SYNDIG1: variants seen among roughly 807,000 people sequenced by gnomAD.
The protein encoded by SYNDIG1 is synapse differentiation-inducing gene protein 1.
SYNDIG1 carries 9 observed loss-of-function variants against 19.4 expected under a neutral mutation model. The ratio of observed to expected loss-of-function variants is 0.46; its 90% CI spans 0.28 to 0.81. SYNDIG1 has a LOEUF of 0.81. Ranked by LOEUF, SYNDIG1 falls within the 30% of genes least tolerant of loss-of-function variation. SYNDIG1 has a pLI of 0.12. For synonymous variants in SYNDIG1, 141 were observed against 145.9 expected (o/e 0.97, Z 0.24); for missense variants, 311 against 343.3 (o/e 0.91, Z 0.74).
At chr20:24,557,954 G>A (rs1379379086) in intron 2 of SYNDIG1, among the ~76,000 whole-genome samples, 1 of 152,222 alleles carries the variant, frequency 6.6e-6, no homozygotes, top group South Asian at 2.1e-4. Flanking sequence ...GCTTTAATCA[G>A]GTGCTGCAGC....
At chr20:24,517,702 A>G (rs926485326) in intron 1 of SYNDIG1, among the ~76,000 whole-genome samples, 3 of 145,286 alleles carry the variant, frequency 2.1e-5, no homozygotes, top group African/African-American at 5.1e-5. Context: ...ATACACATAT[A>G]TATGTGTATA....
chr20:24,580,679 G>A (rs1392586173), intron 2 of SYNDIG1, among the ~76,000 whole-genome samples: 2 of 152,124 alleles, frequency 1.3e-5, no homozygotes, highest in African/African-American at 4.8e-5. Flanking sequence ...AAAGTGCTGA[G>A]GTAACAGGTG....
At chr20:24,526,570 G>T (rs12480500) in intron 1 of SYNDIG1, among the ~76,000 whole-genome samples, 61,426 of 151,772 alleles carry the variant, frequency 0.4, 12,695 homozygotes, top group Middle Eastern at 0.5. Flanking sequence ...TATATATATA[G>T]AGAGAGAGAT....
At chr20:24,505,777 A>C (rs2056576690) in intron 1 of SYNDIG1, among the ~76,000 whole-genome samples, 1 of 152,222 alleles carries the variant, frequency 6.6e-6, no homozygotes, top group African/African-American at 2.4e-5. Context: ...GAATATAGAA[A>C]GTGGGATGCT....
chr20:24,564,762 G>C lies in SYNDIG1; in HGVS notation c.481-20094G>C, dbSNP rs1419182524. On this transcript the variant is annotated intron_variant, in intron 2 of 3. Coordinates refer to ENST00000376862, the MANE Select transcript of SYNDIG1 (RefSeq NM_024893.3). ...GAGAAGGAGGCCCCCACTGTGCAAA[G>C]TGTGCTGAATGATTCTTGCCTGGGC... Among the ~76,000 whole-genome samples the C allele has an allele frequency of 3.0e-5, 4 of 131,766 alleles. No homozygotes were observed. The East Asian group carries it at 9.7e-4, about 32-fold the overall frequency. The allele number at this position is 131,766 out of a possible 152,430, so 86.4% of individuals were successfully genotyped here.
Position 24,658,116 on chromosome 20 carries a change from CG to C in SYNDIG1, c.619-7226del, listed in dbSNP as rs1283285544. ...CTGACTGCAGGAGAAACAATGCAGC[CG>C]GGGTAGACCTCAGAAAACGTCATGA... On this transcript the variant is annotated intron_variant, in intron 3 of 3. Transcript: ENST00000376862. This position sits in a 1 kb window ranked among gnomAD's most constrained non-coding sequence, Gnocchi z 4.4. Among the ~76,000 whole-genome samples, 1 of 150,710 alleles carries C rather than the reference CG, an allele frequency of 6.6e-6. No individual in the cohort carries two copies. The highest frequency in any genetic ancestry group is 2.4e-5 in the African/African-American group (1 of 41,068).
intron 1 of SYNDIG1, among the ~76,000 whole-genome samples, chr20:24,530,577 C>G (rs766313558): frequency 1.4e-4 from 21 of 152,164 alleles, no homozygotes; most frequent in Non-Finnish European, 2.9e-4. Flanking sequence ...TGGTGAATTA[C>G]ACGTATCATT....
chr20:24,661,933 C>T (rs531220541), intron 3 of SYNDIG1, among the ~76,000 whole-genome samples: 1 of 152,252 alleles, frequency 6.6e-6, no homozygotes, highest in South Asian at 2.1e-4. Context: ...TGGTGGGTTT[C>T]AGCATTAAAC....
chr20:24,651,942 G>A (rs533896109), intron 3 of SYNDIG1, among the ~76,000 whole-genome samples: 1 of 152,340 alleles, frequency 6.6e-6, no homozygotes, highest in South Asian at 2.1e-4. Flanking sequence ...CCCCAGGGCA[G>A]TCCAGACACC....
At chr20:24,512,374 G>T (rs920020420) in intron 1 of SYNDIG1, among the ~76,000 whole-genome samples, 1 of 151,648 alleles carries the variant, frequency 6.6e-6, no homozygotes, top group Non-Finnish European at 1.5e-5. Flanking sequence ...GGGGGTCAGG[G>T]AATTCCCTTT....
chr20:24,490,670 C>T (rs1249648342), intron 1 of SYNDIG1, among the ~76,000 whole-genome samples: 9 of 152,164 alleles, frequency 5.9e-5, no homozygotes, highest in Admixed American at 5.9e-4. Flanking sequence ...AGGATTGTCA[C>T]GAAGCAGGGG....
chr20:24,521,102 A>G (rs1488403295), intron 1 of SYNDIG1, among the ~76,000 whole-genome samples: 2 of 152,200 alleles, frequency 1.3e-5, no homozygotes, highest in Non-Finnish European at 2.9e-5. Context: ...TTCACTTAGC[A>G]TGTTGTCTTC....
intron 3 of SYNDIG1, among the ~76,000 whole-genome samples, chr20:24,663,262 A>G (rs542051886): frequency 6.6e-6 from 1 of 152,312 alleles, no homozygotes; most frequent in African/African-American, 2.4e-5. Flanking sequence ...CAGGCCCCTA[A>G]CACACCACAT....
intron 1 of SYNDIG1, among the ~76,000 whole-genome samples, chr20:24,521,653 T>C (rs1164041066): frequency 6.6e-6 from 1 of 152,152 alleles, no homozygotes; most frequent in Non-Finnish European, 1.5e-5. Flanking sequence ...ATCCTAGCAC[T>C]TTGGGAGACC....
chr20:24,590,205 G>A (rs1275982663), intron 3 of SYNDIG1, among the ~76,000 whole-genome samples: 2 of 152,094 alleles, frequency 1.3e-5, no homozygotes, highest in Non-Finnish European at 2.9e-5. Flanking sequence ...GAGCCCTTGG[G>A]GAGGAGCTTC....
At chr20:24,560,694 CTTTT>C (rs10658853) in intron 2 of SYNDIG1, among the ~76,000 whole-genome samples, 1 of 113,822 alleles carries the variant, frequency 8.8e-6, no homozygotes, top group Non-Finnish European at 1.8e-5. Flanking sequence ...CTGTTGACTA[CTTTT>C]TTTTTTTTTT....
intron 1 of SYNDIG1, among the ~76,000 whole-genome samples, chr20:24,482,390 T>C (rs77526596): frequency 1.3e-5 from 2 of 152,120 alleles, no homozygotes; most frequent in African/African-American, 2.4e-5. Context: ...CTTGTAATGA[T>C]GAAAATGCAC....
intron 3 of SYNDIG1, among the ~76,000 whole-genome samples, chr20:24,652,812 G>A (rs1203080047): frequency 6.6e-6 from 1 of 152,170 alleles, no homozygotes; most frequent in African/African-American, 2.4e-5. Context: ...AGGAGACTGG[G>A]GCTACATAAT....
intron 3 of SYNDIG1, among the ~76,000 whole-genome samples, chr20:24,637,739 T>G (rs188192923): frequency 5.3e-5 from 8 of 152,276 alleles, no homozygotes; most frequent in African/African-American, 1.7e-4. Context: ...GTAAAAGGTG[T>G]ACAGGTGTCA....
Sources: allele counts gnomAD v4.1 joint callset (sites outside exome capture counted in the v4.1 genomes callset), GRCh38; gene constraint gnomAD v4.1.1; non-coding constraint Gnocchi (gnomAD v3.1); transcripts MANE v1.5; gene names NCBI Gene and HGNC (gene_info 2026-07-23, HGNC 2026-07-21).